The following VRK2 variants were observed in gnomAD, a reference collection of about 807,000 sequenced individuals.
VRK2 encodes VRK serine/threonine kinase 2, also known as serine/threonine-protein kinase VRK2.
A neutral mutation model predicts 57.6 loss-of-function variants in VRK2; 60 were observed. The observed-to-expected ratio is 1.04, with a 90% CI of 0.85 to 1.29. The LOEUF is 1.29. Ranked by LOEUF, VRK2 falls within the 50% of genes most tolerant of loss-of-function variation. The pLI, the probability that VRK2 is intolerant of heterozygous loss-of-function variation, is 0.00. For synonymous variants in VRK2, 231 were observed against 199.2 expected (o/e 1.16, Z -1.35); for missense variants, 705 against 588.1 (o/e 1.20, Z -2.06).
Position 57,981,127 on chromosome 2 carries a change from T to G in VRK2, c.-438-44538T>G, listed in dbSNP as rs1369840172. 2.0e-5 allele frequency among the ~76,000 whole-genome samples: 3 copies of G among 152,240 alleles called. No homozygotes were observed. The East Asian group carries it at 5.8e-4, about 29-fold the overall frequency. On this transcript the variant is annotated intron_variant, in intron 1 of 15. Transcript: ENST00000417641. ...ATTTGATTGTATAGTTGCTTTATAA[T>G]GTCAGTGGGCTATGTACTTAAGTAT...
intron 7 of VRK2, among the ~76,000 whole-genome samples, chr2:58,098,664 A>G (rs1558633922): frequency 6.6e-6 from 1 of 152,042 alleles, no homozygotes; most frequent in African/African-American, 2.4e-5. Context: ...AGGCTGTACT[A>G]TCAGGGGTTG....
chr2:58,003,075 T>C (rs571326623), intron 1 of VRK2, among the ~76,000 whole-genome samples: 1 of 152,312 alleles, frequency 6.6e-6, no homozygotes, highest in Non-Finnish European at 1.5e-5. Context: ...AGGTATATTC[T>C]CAAAAAGTAA....
chr2:58,143,931 T>C (rs1681714033), intron 11 of VRK2, among the ~76,000 whole-genome samples: 1 of 151,718 alleles, frequency 6.6e-6, no homozygotes, highest in Admixed American at 6.6e-5. Context: ...TTTATTCATA[T>C]ATATTGTGTC....
intron 2 of VRK2, among the ~76,000 whole-genome samples, chr2:58,079,834 G>A (rs766553477): frequency 3.3e-5 from 5 of 151,950 alleles, no homozygotes; most frequent in Non-Finnish European, 5.9e-5. Flanking sequence ...GTTGCTAGGT[G>A]TCCTCATTTC....
intron 1 of VRK2, among the ~76,000 whole-genome samples, chr2:58,016,458 T>C (rs889854109): frequency 2.0e-5 from 3 of 152,182 alleles, no homozygotes; most frequent in African/African-American, 7.2e-5. Flanking sequence ...GCTTCAAGGA[T>C]TCTCCTGCCT....
chr2:57,961,957 G>A (rs1010128507), intron 1 of VRK2, among the ~76,000 whole-genome samples: 1 of 152,112 alleles, frequency 6.6e-6, no homozygotes, highest in East Asian at 1.9e-4. Context: ...AATGCCTGTA[G>A]TCCCAGCTGC....
Position 58,076,736 on chromosome 2 carries a change from G to T in VRK2, c.137-7353G>T, listed in dbSNP as rs193292452. ...TTTCAAAATCTCATGCACATCTATG[G>T]TTTTGCTCTCTTTCCAGTACTCGCA... On this transcript the variant is annotated intron_variant, in intron 2 of 12. Coordinates refer to ENST00000340157, the MANE Select transcript of VRK2 (RefSeq NM_006296.7). Among the ~76,000 whole-genome samples, 153 of 151,422 alleles carry T rather than the reference G, an allele frequency of 1.0e-3. 2 individuals carry two copies. Among genetic ancestry groups the T allele is most frequent in the Admixed American group, 0.01 (153 of 15,178 alleles).
intron 1 of VRK2, among the ~76,000 whole-genome samples, chr2:57,995,808 C>T (rs984579517): frequency 6.6e-5 from 10 of 152,150 alleles, no homozygotes; most frequent in Admixed American, 6.5e-4. Context: ...TACTGTGAGT[C>T]CACTTTGGTA....
chr2:58,063,157 C>T (rs1677603397), intron 2 of VRK2, among the ~76,000 whole-genome samples: 1 of 151,328 alleles, frequency 6.6e-6, no homozygotes. Flanking sequence ...CATCTTTTTA[C>T]AGCATGGTTT....
At chr2:58,086,018 T>C (rs551777793) in intron 4 of VRK2, among the ~76,000 whole-genome samples, 1 of 151,064 alleles carries the variant, frequency 6.6e-6, no homozygotes, top group African/African-American at 2.4e-5. Flanking sequence ...TTTTGGTGGT[T>C]AACATATGTT....
At chr2:57,946,165 T>A (rs914043914) in intron 1 of VRK2, among the ~76,000 whole-genome samples, 1 of 152,120 alleles carries the variant, frequency 6.6e-6, no homozygotes, top group Non-Finnish European at 1.5e-5. Context: ...TCTAAAATAT[T>A]GATTACAATA....
chr2:58,089,830 G>C, intron 7 of VRK2, 107 bp downstream of exon 7: 1 of 704,092 alleles, frequency 1.4e-6, no homozygotes, highest in Non-Finnish European at 2.5e-6. Context: ...GGCGTAACAT[G>C]ATGAATGTTG....
At chr2:58,158,246 C>T (rs1279790887) in intron 12 of VRK2, among the ~76,000 whole-genome samples, 3 of 152,122 alleles carry the variant, frequency 2.0e-5, no homozygotes, top group Admixed American at 6.5e-5. Context: ...CTTATTTTGA[C>T]TTTAGTTAAT....
intron 5 of VRK2, among the ~76,000 whole-genome samples, 180 bp from the exon 6 acceptor site, chr2:58,088,161 T>C (rs1671896157): frequency 6.6e-6 from 1 of 152,212 alleles, no homozygotes; most frequent in African/African-American, 2.4e-5. Flanking sequence ...GCAAAGTAAA[T>C]ATTGAGCAGT....
At position 58,020,003 on chromosome 2, in the gene VRK2, T is replaced by C. The variant is rs1433932072; in HGVS notation, c.-438-5662T>C. ...AACGTGACATAACTACGAATAAACA[T>C]ATTAAAACATGTAGAAGGTCTACAT... On this transcript the variant is annotated intron_variant, in intron 1 of 15. Transcript: ENST00000417641. Among the ~76,000 whole-genome samples the C allele has an allele frequency of 3.3e-5, 5 of 152,080 alleles. No individual in the cohort carries two copies. In the East Asian group the frequency reaches 9.6e-4, roughly 29 times the overall value.
chr2:58,044,865 T>C (rs535540645), upstream of VRK2, among the ~76,000 whole-genome samples: 1 of 152,230 alleles, frequency 6.6e-6, no homozygotes, highest in South Asian at 2.1e-4. Flanking sequence ...TTTGGCAAAA[T>C]TTCGTCATGT....
At chr2:58,049,920 A>T (rs1041311029) in intron 2 of VRK2, among the ~76,000 whole-genome samples, 1 of 152,224 alleles carries the variant, frequency 6.6e-6, no homozygotes, top group Non-Finnish European at 1.5e-5. Context: ...GTCAATAAAT[A>T]TCTGCTTATT....
intron 1 of VRK2, among the ~76,000 whole-genome samples, chr2:57,968,824 C>T (rs934720517): frequency 1.3e-5 from 2 of 152,040 alleles, no homozygotes; most frequent in African/African-American, 4.8e-5. Flanking sequence ...ACATCAAATT[C>T]ATGGAATGTT....
At chr2:58,148,066 CT>C (rs1013762254) in intron 12 of VRK2, among the ~76,000 whole-genome samples, 35 of 151,892 alleles carry the variant, frequency 2.3e-4, no homozygotes, top group African/African-American at 7.7e-4. Flanking sequence ...TGTAGAATTG[CT>C]GGGTCGTAGG....
Sources: gnomAD v4.1 joint callset for allele counts (sites outside exome capture counted in the v4.1 genomes callset) on GRCh38, gnomAD v4.1.1 for gene constraint, MANE v1.5 for transcripts, NCBI Gene and HGNC (gene_info 2026-07-23, HGNC 2026-07-21) for gene names.